C2orf92: variants seen among roughly 807,000 people sequenced by gnomAD.
The protein encoded by C2orf92 is chromosome 2 open reading frame 92, also known as uncharacterized protein C2orf92.
intron 5 of C2orf92, 115 bp downstream of exon 5, chr2:97,690,442 G>A (rs1676092345): frequency 5.4e-6 from 2 of 371,182 alleles, no homozygotes; most frequent in Non-Finnish European, 9.5e-6. Context: ...GTACAGCGGT[G>A]CAGTCTCGGC....
At chr2:97,679,658 A>G (rs1675697456) in intron 3 of C2orf92, among the ~76,000 whole-genome samples, 1 of 151,926 alleles carries the variant, frequency 6.6e-6, no homozygotes. Context: ...CCTGGCCAAC[A>G]TGATGAAACC....
chr2:97,678,297 G>A (rs553787334), intron 3 of C2orf92, among the ~76,000 whole-genome samples: 1 of 151,442 alleles, frequency 6.6e-6, no homozygotes, highest in Non-Finnish European at 1.5e-5. Flanking sequence ...AAAAGAAAAT[G>A]AATTGAACAT....
chr2:97,674,635 A>G, intron 2 of C2orf92, 78 bp downstream of exon 2: 1 of 397,418 alleles, frequency 2.5e-6, no homozygotes, highest in South Asian at 1.4e-4. Flanking sequence ...CGATGCTAGC[A>G]TTTTAGCATT....
intron 3 of C2orf92, among the ~76,000 whole-genome samples, chr2:97,679,613 G>C (rs757960158): frequency 6.6e-6 from 1 of 151,768 alleles, no homozygotes; most frequent in East Asian, 1.9e-4. Flanking sequence ...AGGCTGAGGT[G>C]GGGGGATCAC....
At chr2:97,690,386 C>CTTTT in intron 5 of C2orf92, 59 bp downstream of exon 5, 1 of 336,816 alleles carries the variant, frequency 3.0e-6, no homozygotes, top group Non-Finnish European at 5.3e-6. Context: ...TCTTTTTCCT[C>CTTTT]TTTTTTTTTT....
chr2:97,700,733 T>TG (rs1368013677), intron 6 of C2orf92, among the ~76,000 whole-genome samples: 1 of 151,538 alleles, frequency 6.6e-6, no homozygotes, highest in African/African-American at 2.4e-5. Flanking sequence ...GTTTTTTGTT[T>TG]TTTTTTTTGA....
At chr2:97,685,249 T>TTTTC (rs908606642) in intron 3 of C2orf92, among the ~76,000 whole-genome samples, 121 of 150,366 alleles carry the variant, frequency 8.0e-4, no homozygotes, top group Non-Finnish European at 1.5e-3. Context: ...ATTTTGGTTT[T>TTTTC]TTTCTTTCTT....
At chr2:97,678,657 T>C (rs1437564908) in intron 3 of C2orf92, among the ~76,000 whole-genome samples, 2 of 151,924 alleles carry the variant, frequency 1.3e-5, no homozygotes, top group African/African-American at 4.8e-5. Context: ...GGATGGCACA[T>C]TCAAAGTTCT....
At chr2:97,671,469 A>T in intron 1 of C2orf92, 1 of 398,570 alleles carries the variant, frequency 2.5e-6, no homozygotes, top group Non-Finnish European at 4.4e-6. Flanking sequence ...AAATTCAAAA[A>T]ATCCTGATGA....
intron 1 of C2orf92, among the ~76,000 whole-genome samples, 198 bp downstream of exon 1, chr2:97,670,032 C>A (rs1411152559): frequency 6.6e-6 from 1 of 152,166 alleles, no homozygotes; most frequent in Non-Finnish European, 1.5e-5. Context: ...AACTTTGAAG[C>A]TTTCTCAAAA....
At chr2:97,698,349 T>C (rs954601762) in intron 5 of C2orf92, among the ~76,000 whole-genome samples, 1 of 152,190 alleles carries the variant, frequency 6.6e-6, no homozygotes, top group African/African-American at 2.4e-5. Context: ...AGGTCCCATA[T>C]GCAAACGAGT....
intron 5 of C2orf92, among the ~76,000 whole-genome samples, chr2:97,693,648 G>A (rs1365821666): frequency 2.0e-5 from 3 of 152,054 alleles, no homozygotes; most frequent in Non-Finnish European, 4.4e-5. Context: ...TGGTCATAGT[G>A]AGGCTTGGAG....
upstream of C2orf92, chr2:97,665,763 ATATATATATATT>A (rs1559293370): frequency 1.1e-5 from 1 of 92,064 alleles, no homozygotes; most frequent in Non-Finnish European, 2.4e-5. Flanking sequence ...ATATATATAT[ATATATATATATT>A]TTGTTTTGTT....
At chr2:97,665,727 CTCTCTCTCTCTATATATA>C (rs1285421908), upstream of C2orf92, 835 of 33,418 alleles carry the variant, frequency 0.025, 4 homozygotes, top group African/African-American at 0.071. Context: ...CTCTCTCTCT[CTCTCTCTCTCTATATATA>C]TATATATATA....
chr2:97,674,186 G>C, intron 1 of C2orf92: 1 of 281,930 alleles, frequency 3.5e-6, no homozygotes, highest in Admixed American at 5.3e-5. Context: ...ACAAGAGGAA[G>C]AAGAAGGAGA....
intron 3 of C2orf92, among the ~76,000 whole-genome samples, chr2:97,681,272 G>T (rs1329078054): frequency 6.6e-6 from 1 of 152,106 alleles, no homozygotes; most frequent in African/African-American, 2.4e-5. Context: ...TGGAATATTT[G>T]CCAGGATAGC....
chr2:97,701,836 G>A (rs368463475), intron 7 of C2orf92, among the ~76,000 whole-genome samples: 49 of 152,268 alleles, frequency 3.2e-4, no homozygotes, highest in Admixed American at 2.5e-3. Context: ...TGGCACAGCC[G>A]TGGCCCTCCA....
Position 97,689,601 on chromosome 2 carries a change from G to A in C2orf92, c.331+608G>A, listed in dbSNP as rs77947273. On this transcript the variant is annotated intron_variant, in intron 4 of 7. Coordinates refer to ENST00000627399, the MANE Select transcript of C2orf92 (RefSeq NM_001351368.2). ...ATAGTGTATTGGAAATCTGCCAGCC[G>A]TGGGTACAAGTGCCCCAGGCAGGGA... Among the ~76,000 whole-genome samples the A allele has an allele frequency of 3.3e-3, 505 of 152,278 alleles. 1 individual carries two copies. Among genetic ancestry groups the A allele is most frequent in the African/African-American group, 0.01 (432 of 41,552 alleles).
chr2:97,683,720 A>G (rs1003464075), intron 3 of C2orf92, among the ~76,000 whole-genome samples: 3 of 152,214 alleles, frequency 2.0e-5, no homozygotes, highest in Admixed American at 6.5e-5. Flanking sequence ...AATTGGAGGA[A>G]TTTCACTTTC....
Sources: gnomAD v4.1 joint callset for allele counts (sites outside exome capture counted in the v4.1 genomes callset) on GRCh38, gnomAD v4.1.1 for gene constraint, MANE v1.5 for transcripts, NCBI Gene and HGNC (gene_info 2026-07-23, HGNC 2026-07-21) for gene names.